The following LRP1B variants were observed in gnomAD, a reference collection of about 807,000 sequenced individuals.
LRP1B encodes the protein LDL receptor related protein 1B.
In LRP1B, 217 loss-of-function variants were observed where a neutral mutation model predicts 556.6. The ratio of observed to expected loss-of-function variants is 0.39; its 90% CI spans 0.35 to 0.44. LRP1B has a LOEUF of 0.44. Ranked by LOEUF, LRP1B falls within the 20% of genes least tolerant of loss-of-function variation. The pLI, the probability that LRP1B is intolerant of heterozygous loss-of-function variation, is 1.00. For synonymous variants in LRP1B, 2,047 were observed against 1,865.8 expected (o/e 1.10, Z -2.50); for missense variants, 5,053 against 5,620.8 (o/e 0.90, Z 3.23).
chr2:141,312,055 T>A (rs569968836), intron 3 of LRP1B, among the ~76,000 whole-genome samples: 1 of 152,270 alleles, frequency 6.6e-6, no homozygotes, highest in African/African-American at 2.4e-5. Flanking sequence ...CTGAATCTTC[T>A]TAGAGATTAC....
At chr2:141,125,796 G>A (rs1574100047) in intron 7 of LRP1B, among the ~76,000 whole-genome samples, 1 of 121,170 alleles carries the variant, frequency 8.3e-6, no homozygotes, top group Non-Finnish European at 1.6e-5. Flanking sequence ...TACCTATAAG[G>A]TTTTACCCAT....
intron 79 of LRP1B, among the ~76,000 whole-genome samples, chr2:140,334,104 G>C (rs1353758067): frequency 2.6e-5 from 4 of 151,380 alleles, no homozygotes; most frequent in Non-Finnish European, 4.4e-5. Flanking sequence ...TCATTCTCTA[G>C]GAATATTTCC....
chr2:141,893,428 T>C (rs1354120059), intron 1 of LRP1B, among the ~76,000 whole-genome samples: 1 of 152,184 alleles, frequency 6.6e-6, no homozygotes, highest in Non-Finnish European at 1.5e-5. Context: ...CTTGAACCCC[T>C]GACCTTAGGT....
At chr2:141,889,234 A>G (rs1018318048) in intron 1 of LRP1B, among the ~76,000 whole-genome samples, 28 of 152,290 alleles carry the variant, frequency 1.8e-4, no homozygotes, top group African/African-American at 6.0e-4. Flanking sequence ...AAAAAATGGA[A>G]GAAACCAACA....
intron 20 of LRP1B, among the ~76,000 whole-genome samples, chr2:140,936,339 CAAAAAAAAA>C (rs59717868): frequency 5.8e-5 from 5 of 86,822 alleles, no homozygotes; most frequent in African/African-American, 9.2e-5. Flanking sequence ...GACTCCGTCT[CAAAAAAAAA>C]AAAAAAAAAA....
intron 2 of LRP1B, among the ~76,000 whole-genome samples, chr2:141,704,594 T>C (rs1220584491): frequency 6.6e-6 from 1 of 151,952 alleles, no homozygotes; most frequent in Non-Finnish European, 1.5e-5. Flanking sequence ...CTAGGTGTTG[T>C]GTAACATGCA....
rs867213613 is a variant in LRP1B, at chr2:140,705,556, A to C, written c.6024-3003T>G. ...AAAAAAAAAAAAAAAAAAAAAAAAAAAAAACACAGACACACACAGAAAACA... is the reference window on the plus strand; with the variant it reads ...AAAAAAAAAAAAAAAAAAAAAAAAACAAAACACAGACACACACAGAAAACA... On this transcript the variant is annotated intron_variant, in intron 37 of 90. Coordinates refer to ENST00000389484, the MANE Select transcript of LRP1B (RefSeq NM_018557.3). 6.8e-3 allele frequency among the ~76,000 whole-genome samples: 895 copies of C among 131,736 alleles called. 18 individuals carry two copies. The highest frequency in any genetic ancestry group is 0.031 in the Admixed American group (388 of 12,380). The allele number at this position is 131,736 out of a possible 152,430, so 86.4% of individuals were successfully genotyped here. A position where few individuals can be genotyped will look rare whatever the true frequency, so the allele number is the denominator to read the frequency against.
At chr2:140,827,155 C>G (rs1390306608) in intron 31 of LRP1B, among the ~76,000 whole-genome samples, 1 of 152,070 alleles carries the variant, frequency 6.6e-6, no homozygotes, top group Non-Finnish European at 1.5e-5. Context: ...CAAACATACC[C>G]TAGAAAACCA....
intron 7 of LRP1B, among the ~76,000 whole-genome samples, chr2:141,172,977 G>A (rs538048831): frequency 9.2e-5 from 14 of 151,664 alleles, no homozygotes; most frequent in African/African-American, 3.4e-4. Flanking sequence ...TTATTGGGAT[G>A]TGACTAATGA....
intron 3 of LRP1B, among the ~76,000 whole-genome samples, chr2:141,305,943 G>A (rs1686571062): frequency 6.6e-6 from 1 of 152,122 alleles, no homozygotes. Context: ...AATCCCACTT[G>A]ATCATAGTGA....
chr2:140,569,904 C>G (rs1681260343), intron 43 of LRP1B, among the ~76,000 whole-genome samples: 1 of 151,668 alleles, frequency 6.6e-6, no homozygotes, highest in African/African-American at 2.4e-5. Context: ...TGAAAGCACA[C>G]TGAAATTAAA....
intron 1 of LRP1B, among the ~76,000 whole-genome samples, chr2:142,022,364 A>C (rs1415508353): frequency 6.7e-6 from 1 of 149,170 alleles, no homozygotes; most frequent in African/African-American, 2.4e-5. Flanking sequence ...AGTTAATTGT[A>C]TAAATTTGAA....
intron 2 of LRP1B, among the ~76,000 whole-genome samples, chr2:141,619,702 C>G (rs747638300): frequency 1.3e-5 from 2 of 152,114 alleles, no homozygotes; most frequent in Non-Finnish European, 2.9e-5. Context: ...AAAACAGCAA[C>G]GTCTCTTTAG....
In LRP1B at chr2:141,049,278, C is replaced by T. The variant is rs146289256; in HGVS notation, c.1553-56G>A. On this transcript the variant is annotated intron_variant, in intron 10 of 90. Transcript: ENST00000389484. ...CTGATGCTGCTTAATCTTCTTTACA[C>T]TGCATAATGCCACCGTTTAACTGGC... is the stretch of plus-strand genomic sequence containing the variant. 372 of 1,089,512 alleles carry T rather than the reference C, an allele frequency of 3.4e-4. 2 individuals carry two copies. In the East Asian group the frequency reaches 8.7e-3, roughly 25 times the overall value. The allele number at this position is 1,089,512 out of a possible 1,614,324, so 67.5% of individuals were successfully genotyped here.
chr2:140,675,241 T>C (rs920244769), intron 41 of LRP1B, among the ~76,000 whole-genome samples: 2 of 152,236 alleles, frequency 1.3e-5, no homozygotes, highest in Admixed American at 1.3e-4. Flanking sequence ...CAACACTGTT[T>C]ACGTTAGTGT....
At chr2:140,236,661 G>GTA in intron 89 of LRP1B, among the ~76,000 whole-genome samples, 1 of 151,004 alleles carries the variant, frequency 6.6e-6, no homozygotes, top group East Asian at 2.0e-4. Flanking sequence ...TTTTAAACTA[G>GTA]TAAGGATATT....
chr2:140,817,533 T>C (rs1378112893), intron 31 of LRP1B, among the ~76,000 whole-genome samples: 1 of 151,838 alleles, frequency 6.6e-6, no homozygotes, highest in Non-Finnish European at 1.5e-5. Flanking sequence ...ACTGAGACAA[T>C]GAAAATTGCA....
At chr2:141,273,034 C>A (rs544492041) in intron 3 of LRP1B, among the ~76,000 whole-genome samples, 2 of 152,046 alleles carry the variant, frequency 1.3e-5, no homozygotes, top group African/African-American at 2.4e-5. Flanking sequence ...TTATGCCAGG[C>A]GGGGTGGCTC....
At chr2:141,139,421 A>T (rs1243532104) in intron 7 of LRP1B, among the ~76,000 whole-genome samples, 2 of 151,856 alleles carry the variant, frequency 1.3e-5, no homozygotes, top group African/African-American at 4.8e-5. Context: ...TAAGTCACAG[A>T]TTGGGAAAAA....
Sources: gnomAD v4.1 joint callset for allele counts (sites outside exome capture counted in the v4.1 genomes callset) on GRCh38, gnomAD v4.1.1 for gene constraint, MANE v1.5 for transcripts, NCBI Gene and HGNC (gene_info 2026-07-23, HGNC 2026-07-21) for gene names.